PLPP1: variants seen among roughly 807,000 people sequenced by gnomAD.
PLPP1 encodes phospholipid phosphatase 1, also known as lipid phosphate phosphohydrolase 1a.
A neutral mutation model predicts 31.2 loss-of-function variants in PLPP1; 24 were observed. The ratio of observed to expected loss-of-function variants is 0.77; its 90% CI spans 0.56 to 1.08. The LOEUF is 1.08. Ranked by LOEUF, PLPP1 falls within the 50% of genes least tolerant of loss-of-function variation. The pLI, the probability that PLPP1 is intolerant of heterozygous loss-of-function variation, is 0.00. For missense variants in PLPP1, 319 were observed against 342.7 expected (o/e 0.93, Z 0.55); for synonymous variants, 146 against 126.3 (o/e 1.16, Z -1.05).
intron 1 of PLPP1, among the ~76,000 whole-genome samples, chr5:55,486,111 C>CTG (rs1752769949): frequency 1.3e-5 from 2 of 152,156 alleles, no homozygotes; most frequent in South Asian, 2.1e-4. Context: ...ACAGGCCAAA[C>CTG]TGTGTTCTCA....
chr5:55,480,395 T>C (rs1363824797), intron 1 of PLPP1, among the ~76,000 whole-genome samples: 1 of 151,994 alleles, frequency 6.6e-6, no homozygotes, highest in East Asian at 1.9e-4. Flanking sequence ...ACAATCTAGT[T>C]TTAGAATATT....
At chr5:55,508,684 T>A (rs928522639) in intron 1 of PLPP1, among the ~76,000 whole-genome samples, 1 of 152,218 alleles carries the variant, frequency 6.6e-6, no homozygotes, top group Non-Finnish European at 1.5e-5. Flanking sequence ...AGACACTAGC[T>A]GGTGCTAGAG....
chr5:55,449,968 A>G (rs1400908919), intron 3 of PLPP1, among the ~76,000 whole-genome samples: 1 of 151,120 alleles, frequency 6.6e-6, no homozygotes, highest in Non-Finnish European at 1.5e-5. Context: ...AAAATATAAT[A>G]TAACAAAAAA....
chr5:55,511,650 G>T (rs1257014780), intron 1 of PLPP1, among the ~76,000 whole-genome samples: 6 of 51,492 alleles, frequency 1.2e-4, no homozygotes, highest in African/African-American at 5.4e-4. Context: ...CACGTGTTGA[G>T]TTTTTTTTTT....
chr5:55,462,877 G>A (rs1319217466), intron 3 of PLPP1, among the ~76,000 whole-genome samples: 1 of 151,996 alleles, frequency 6.6e-6, no homozygotes, highest in African/African-American at 2.4e-5. Context: ...AGAGGCTCAG[G>A]CAGGAGAATG....
chr5:55,530,801 T>A, intron 1 of PLPP1: 1 of 1,447,784 alleles, frequency 6.9e-7, no homozygotes, highest in Non-Finnish European at 9.7e-7. Context: ...CAGGGCGCGG[T>A]CCGCACGGGC....
chr5:55,436,863 C>A (rs938944293), intron 4 of PLPP1, among the ~76,000 whole-genome samples: 1 of 152,158 alleles, frequency 6.6e-6, no homozygotes, highest in Non-Finnish European at 1.5e-5. Flanking sequence ...AATTTGTATA[C>A]TGAATGCCTA....
chr5:55,530,547 G>A, intron 1 of PLPP1: 4 of 1,237,700 alleles, frequency 3.2e-6, no homozygotes, highest in Non-Finnish European at 4.8e-6. Context: ...TGGAATGATA[G>A]AAGAAACATC....
At chr5:55,476,861 T>C (rs1752560929) in intron 1 of PLPP1, among the ~76,000 whole-genome samples, 1 of 152,176 alleles carries the variant, frequency 6.6e-6, no homozygotes, top group South Asian at 2.1e-4. Flanking sequence ...GCACATGAAA[T>C]CACATTTCAT....
At chr5:55,488,738 T>C (rs1752826392) in intron 1 of PLPP1, among the ~76,000 whole-genome samples, 1 of 152,218 alleles carries the variant, frequency 6.6e-6, no homozygotes, top group Non-Finnish European at 1.5e-5. Context: ...AGTAGTTGTC[T>C]TCAGGTAGTA....
rs188677728 is a variant in PLPP1 at position 55,464,519 on chromosome 5, G to A, written c.491+3350C>T. On this transcript the variant is annotated intron_variant, in intron 3 of 5. Coordinates refer to ENST00000307259, the MANE Select transcript of PLPP1 (RefSeq NM_003711.4). ...CCCAAAGTTCGGACATTACAGGTGTGAGCCACCATACCCAGCCAGAACAGC... is the reference window on the plus strand; with the variant it reads ...CCCAAAGTTCGGACATTACAGGTGTAAGCCACCATACCCAGCCAGAACAGC... Among the ~76,000 whole-genome samples the A allele has an allele frequency of 4.0e-3, 608 of 152,242 alleles. 4 individuals carry two copies. Among genetic ancestry groups the A allele is most frequent in the African/African-American group, 0.014 (580 of 41,538 alleles).
intron 1 of PLPP1, among the ~76,000 whole-genome samples, chr5:55,485,815 T>A (rs1007137536): frequency 6.6e-6 from 1 of 152,158 alleles, no homozygotes; most frequent in Admixed American, 6.6e-5. Flanking sequence ...TCAAAACTTA[T>A]GAAATATCAT....
chr5:55,495,056 G>C (rs1040900757), intron 1 of PLPP1, among the ~76,000 whole-genome samples: 3 of 151,052 alleles, frequency 2.0e-5, no homozygotes, highest in African/African-American at 7.3e-5. Context: ...GCTTGAACCC[G>C]GGAGGCAGAG....
intron 1 of PLPP1, among the ~76,000 whole-genome samples, chr5:55,519,651 G>A (rs1385402417): frequency 6.6e-6 from 1 of 151,662 alleles, no homozygotes; most frequent in Non-Finnish European, 1.5e-5. Flanking sequence ...TCAGGAGGCC[G>A]AGGCAAGAGA....
intron 1 of PLPP1, among the ~76,000 whole-genome samples, chr5:55,522,180 A>G (rs1579984423): frequency 6.6e-6 from 1 of 152,222 alleles, no homozygotes; most frequent in Non-Finnish European, 1.5e-5. Flanking sequence ...TCTGAACTCC[A>G]TACACGATTC....
At chr5:55,492,929 C>T (rs1282602353) in intron 1 of PLPP1, among the ~76,000 whole-genome samples, 3 of 152,124 alleles carry the variant, frequency 2.0e-5, no homozygotes, top group Non-Finnish European at 2.9e-5. Context: ...AGTGATCTGG[C>T]TAGGTTAACA....
chr5:55,454,442 C>T (rs921601335), intron 3 of PLPP1, among the ~76,000 whole-genome samples: 1 of 152,186 alleles, frequency 6.6e-6, no homozygotes, highest in African/African-American at 2.4e-5. Flanking sequence ...AAATCAAGAT[C>T]CAGACAGGTC....
chr5:55,530,844 G>C (rs1396650016), intron 1 of PLPP1: 1 of 1,196,924 alleles, frequency 8.4e-7, no homozygotes, highest in African/African-American at 1.5e-5. Context: ...CGGGGCAGTA[G>C]GATGTGGCCG....
intron 1 of PLPP1, among the ~76,000 whole-genome samples, chr5:55,533,868 A>C (rs1740773180): frequency 6.6e-6 from 1 of 152,236 alleles, no homozygotes; most frequent in African/African-American, 2.4e-5. Flanking sequence ...GAACTCTTCC[A>C]ATCAGGAAGA....
Sources: gnomAD v4.1 joint callset for allele counts (sites outside exome capture counted in the v4.1 genomes callset) on GRCh38, gnomAD v4.1.1 for gene constraint, MANE v1.5 for transcripts, NCBI Gene and HGNC (gene_info 2026-07-23, HGNC 2026-07-21) for gene names.